The following GALNS variants were observed in gnomAD, a reference collection of about 807,000 sequenced individuals.
GALNS encodes N-acetylgalactosamine-6-sulfatase.
A neutral mutation model predicts 65.9 loss-of-function variants in GALNS; 65 were observed. The observed-to-expected ratio is 0.99, with a 90% confidence interval of 0.81 to 1.21. GALNS has a LOEUF of 1.21. GALNS is among the 50% of genes most tolerant of loss of function. The pLI, the probability that GALNS is intolerant of heterozygous loss-of-function variation, is 0.00. For missense variants in GALNS, 776 were observed against 700.7 expected, an observed-to-expected ratio of 1.11 and a Z score of -1.21; for synonymous variants, 346 against 288.9, an observed-to-expected ratio of 1.20 and a Z score of -2.00.
chr16:88,837,336 G>A (rs1484938301), intron 5 of GALNS, among the ~76,000 whole-genome samples: 1 of 152,198 alleles, frequency 6.6e-6, no homozygotes, highest in East Asian at 1.9e-4. Context: ...GACAGCTAGG[G>A]CAGACCGTGT....
chr16:88,832,403 G>A (rs1362905268), intron 8 of GALNS, among the ~76,000 whole-genome samples: 1 of 152,212 alleles, frequency 6.6e-6, no homozygotes, highest in Non-Finnish European at 1.5e-5. Context: ...TGGGTGCCAC[G>A]TGCGCAGCTG....
intron 8 of GALNS, among the ~76,000 whole-genome samples, chr16:88,834,331 A>G (rs11646057): frequency 0.31 from 39,557 of 127,238 alleles, 6,943 homozygotes; most frequent in East Asian, 0.61. Context: ...TCTCCCCACC[A>G]CGTGGTCTGG....
At chr16:88,843,260 A>G (rs1332656380) in intron 1 of GALNS, 2 of 1,250,030 alleles carry the variant, frequency 1.6e-6, no homozygotes, top group Non-Finnish European at 2.1e-6. Flanking sequence ...TTTCAAAGTC[A>G]ACTGGTAACT....
intron 8 of GALNS, among the ~76,000 whole-genome samples, chr16:88,834,634 G>C (rs899101664): frequency 7.2e-5 from 5 of 69,316 alleles, no homozygotes; most frequent in Admixed American, 1.7e-4. Context: ...AGGCTGCAGG[G>C]CCCCCCCCCG....
intron 12 of GALNS, among the ~76,000 whole-genome samples, chr16:88,819,105 T>C (rs928926391): frequency 6.6e-6 from 1 of 152,226 alleles, no homozygotes; most frequent in Non-Finnish European, 1.5e-5. Context: ...CTGTGAGAAC[T>C]GGCTTTTTGC....
At chr16:88,814,661 T>C (rs1287903226) in intron 13 of GALNS, 136 bp from the exon 14 acceptor site, 2 of 1,398,794 alleles carry the variant, frequency 1.4e-6, no homozygotes, top group Non-Finnish European at 2.0e-6. Flanking sequence ...TGGCGCGATC[T>C]TGGCTCACTG....
chr16:88,834,113 G>A (rs575558108), intron 8 of GALNS, among the ~76,000 whole-genome samples: 2 of 152,336 alleles, frequency 1.3e-5, no homozygotes, highest in East Asian at 1.9e-4. Flanking sequence ...TCCAGTGGGC[G>A]GGAGATGGAG....
Position 88,832,114 on chromosome 16 carries a change from G to C in GALNS, c.899-13C>G. 25 of 1,611,114 alleles carry C rather than the reference G, an allele frequency of 1.6e-5. No individual in the cohort carries two copies. The highest frequency in any genetic ancestry group is 2.1e-5 in the Non-Finnish European group (25 of 1,178,024). Reference sequence around the variant, plus strand: ...CCGTTGCTGCCACCTGGGAGAGAGGGGCCCTTGTCAGGCCACTGGGACCAG... The same window carrying C: ...CCGTTGCTGCCACCTGGGAGAGAGGCGCCCTTGTCAGGCCACTGGGACCAG... On this transcript the variant is annotated splice_polypyrimidine_tract_variant and intron_variant, in intron 8 of 13. Coordinates refer to ENST00000268695, the MANE Select transcript of GALNS (RefSeq NM_000512.5).
intron 12 of GALNS, among the ~76,000 whole-genome samples, chr16:88,819,189 C>T (rs899797977): frequency 1.3e-5 from 2 of 152,160 alleles, no homozygotes; most frequent in Admixed American, 1.3e-4. Context: ...GCCCCCCTCC[C>T]CACCCCCGGC....
At chr16:88,817,179 A>G in intron 13 of GALNS, 1 of 985,292 alleles carries the variant, frequency 1.0e-6, no homozygotes, top group Non-Finnish European at 1.2e-6. Flanking sequence ...ACCCTATGGG[A>G]CCCCCAAGCA....
intron 12 of GALNS, among the ~76,000 whole-genome samples, chr16:88,819,397 G>A (rs1909970455): frequency 6.6e-6 from 1 of 152,248 alleles, no homozygotes; most frequent in African/African-American, 2.4e-5. Context: ...TTTAATCCAG[G>A]AGGGTCTCAG....
At chr16:88,834,197 T>C (rs780472217) in intron 8 of GALNS, among the ~76,000 whole-genome samples, 1 of 152,246 alleles carries the variant, frequency 6.6e-6, no homozygotes, top group Non-Finnish European at 1.5e-5. Context: ...CGAGGGAGCC[T>C]ATGCTTCTGT....
intron 9 of GALNS, among the ~76,000 whole-genome samples, chr16:88,828,802 G>A (rs1445452880): frequency 2.0e-5 from 3 of 152,232 alleles, no homozygotes; most frequent in Non-Finnish European, 4.4e-5. Flanking sequence ...GGGCGGCGCT[G>A]GGGTGGCTCC....
chr16:88,853,613 G>C (rs1301697046), intron 1 of GALNS, among the ~76,000 whole-genome samples: 1 of 152,214 alleles, frequency 6.6e-6, no homozygotes, highest in Non-Finnish European at 1.5e-5. Context: ...CTCGCCCTGG[G>C]AGGCAGGAGC....
At chr16:88,824,314 G>T (rs117456436) in intron 11 of GALNS, among the ~76,000 whole-genome samples, 1 of 152,202 alleles carries the variant, frequency 6.6e-6, no homozygotes, top group East Asian at 1.9e-4. Flanking sequence ...TGGGGCGGCA[G>T]GAGCCCCAGG....
rs1374689144 is a variant in GALNS at position 88,828,283 on chromosome 16, C to T, written c.1003-1445G>A. 1.3e-3 allele frequency among the ~76,000 whole-genome samples: 12 copies of T among 9,196 alleles called. No individual in the cohort carries two copies. The East Asian group carries it at 0.016, about 12-fold the overall frequency. The allele number at this position is 9,196 out of a possible 152,430, so 6.0% of individuals were successfully genotyped here. ...GTGCTTGTGGTGCCGGCAGGGCGGG[C>T]GGGCGGGAGTGGTGTCAGCACAGGC... On this transcript the variant is annotated intron_variant, in intron 9 of 13. Transcript: ENST00000268695.
intron 13 of GALNS, chr16:88,814,734 G>A (rs941235447): frequency 3.4e-6 from 1 of 297,812 alleles, no homozygotes; most frequent in African/African-American, 2.3e-5. Context: ...AGTAGCTGCT[G>A]GGATTACAGG....
In GALNS at chr16:88,814,519, C is replaced by T; in HGVS notation, c.1489G>A (p.Ala497Thr). 1 of 1,556,160 alleles carries T rather than the reference C, an allele frequency of 6.4e-7. No individual in the cohort carries two copies. ...CCTAACTTTTCACAGCCCGGAGGTG[C>T]CCAGTTCTGGGAAATGAAAATTGAG... Reference protein sequence around the residue: ...NVCNWAVMNWAPPGCEKLGKC... With the variant: ...NVCNWAVMNWTPPGCEKLGKC... Residue 497 changes from alanine to threonine, a missense_variant, in exon 14 of 14, where the codon GCA becomes ACA. Transcript: ENST00000268695.
At chr16:88,830,487 C>T (rs560264776) in intron 9 of GALNS, among the ~76,000 whole-genome samples, 7 of 107,852 alleles carry the variant, frequency 6.5e-5, no homozygotes, top group African/African-American at 1.7e-4. Context: ...CACTGGGAGC[C>T]CCCCCCATCC....
Sources: allele counts gnomAD v4.1 joint callset (sites outside exome capture counted in the v4.1 genomes callset), GRCh38; gene constraint gnomAD v4.1.1; transcripts MANE v1.5; gene names NCBI Gene and HGNC (gene_info 2026-07-23, HGNC 2026-07-21).